Variants in RIT2 observed in about 807,000 individuals in gnomAD.
The protein encoded by RIT2 is Ras like without CAAX 2.
Under a neutral mutation model 23.7 loss-of-function variants are expected in RIT2, and 24 were observed. The observed-to-expected ratio is 1.01, with a 90% CI of 0.73 to 1.43. The LOEUF (loss-of-function observed/expected upper bound fraction) is 1.43, where lower values mean the gene tolerates loss of function less well. RIT2 is among the 40% of genes most tolerant of loss of function. RIT2 has a pLI of 0.00. For synonymous variants in RIT2, 107 were observed against 91.1 expected (o/e 1.17, Z -0.99); for missense variants, 236 against 266.9 (o/e 0.88, Z 0.81).
chr18:43,039,019 AC>A (rs1912060634), intron 1 of RIT2, among the ~76,000 whole-genome samples: 1 of 151,878 alleles, frequency 6.6e-6, no homozygotes, highest in Admixed American at 6.6e-5. Flanking sequence ...TTACCTTCCT[AC>A]CTTTTCCTTC....
intron 4 of RIT2, among the ~76,000 whole-genome samples, chr18:42,810,506 C>T (rs1478617948): frequency 6.6e-6 from 1 of 151,744 alleles, no homozygotes; most frequent in Admixed American, 6.6e-5. Flanking sequence ...ACGTAATCAG[C>T]ACCATAAAAA....
intron 2 of RIT2, among the ~76,000 whole-genome samples, chr18:42,997,857 G>A (rs1337650439): frequency 6.6e-6 from 1 of 152,152 alleles, no homozygotes; most frequent in Non-Finnish European, 1.5e-5. Flanking sequence ...AGGAGTAGGT[G>A]TCAACATCTG....
Position 42,974,133 on chromosome 18 carries a change from T to C in RIT2, c.175A>G (p.Thr59Ala). ...HDPTIEDAYK[T>A]QVRIDNEPAY... is the part of the protein sequence containing the mutation. ...GGCTCATTGTCAATCCTGACCTGGG[T>C]CTTATAAGCATCTTCTGAAAAACAC... The change falls in exon 3 of 5, where the codon ACC becomes GCC. Residue 59 changes from threonine (T) to alanine (A), a missense_variant. Transcript: ENST00000326695. The C allele has an allele frequency of 6.2e-7, 1 of 1,610,750 alleles. No individual in the cohort carries two copies. The highest frequency in any genetic ancestry group is 8.5e-7 in the Non-Finnish European group (1 of 1,177,766).
At chr18:42,987,677 G>A (rs532239936) in intron 2 of RIT2, among the ~76,000 whole-genome samples, 10 of 152,176 alleles carry the variant, frequency 6.6e-5, no homozygotes, top group East Asian at 3.9e-4. Context: ...TATTTGTGTC[G>A]CTATAAAATA....
chr18:42,886,640 G>T (rs1908029731), intron 4 of RIT2, among the ~76,000 whole-genome samples: 1 of 152,186 alleles, frequency 6.6e-6, no homozygotes, highest in Non-Finnish European at 1.5e-5. Flanking sequence ...TATGGTATGT[G>T]AGAGGATTGG....
intron 2 of RIT2, among the ~76,000 whole-genome samples, chr18:42,995,593 A>G (rs1910962308): frequency 6.6e-6 from 1 of 151,596 alleles, no homozygotes; most frequent in African/African-American, 2.4e-5. Flanking sequence ...TATCCCTTAC[A>G]GTCCTCAGTC....
At chr18:42,767,052 T>C (rs931704346) in intron 4 of RIT2, among the ~76,000 whole-genome samples, 1 of 152,224 alleles carries the variant, frequency 6.6e-6, no homozygotes, top group Non-Finnish European at 1.5e-5. Flanking sequence ...GAACCTCTGC[T>C]AGGGTAGTGC....
Position 43,057,798 on chromosome 18 carries a change from C to CTTTTTTTTTTTTTTTTTTT in RIT2, c.104-23932_104-23931insAAAAAAAAAAAAAAAAAAA, listed in dbSNP as rs11393575. On this transcript the variant is annotated intron_variant, in intron 1 of 4. Coordinates refer to ENST00000326695, the MANE Select transcript of RIT2 (RefSeq NM_002930.4). ...GAGCTAATCTTCCAAGTGATGGACACTTTTTTTTTTTTTTTTTATCATCTA... is the reference window on the plus strand; with the variant it reads ...GAGCTAATCTTCCAAGTGATGGACACTTTTTTTTTTTTTTTTTTTTTTTTTTTTTTTTTTTTATCATCTA... Among the ~76,000 whole-genome samples the CTTTTTTTTTTTTTTTTTTT allele has an allele frequency of 1.9e-3, 227 of 122,590 alleles. 10 individuals carry two copies. The highest frequency in any genetic ancestry group is 2.7e-3 in the Admixed American group (32 of 11,904). 80.4% of individuals were successfully genotyped at this position (122,590 alleles called of 152,430 possible).
At chr18:42,910,495 G>A (rs967566975) in intron 4 of RIT2, among the ~76,000 whole-genome samples, 1 of 152,034 alleles carries the variant, frequency 6.6e-6, no homozygotes, top group Admixed American at 6.6e-5. Flanking sequence ...CTGCCCAAAT[G>A]TTGCATTTTG....
rs117805881 is a variant in RIT2, at chr18:42,782,305, T to C, written c.427-38585A>G. Among the ~76,000 whole-genome samples the C allele has an allele frequency of 7.3e-3, 1,109 of 152,288 alleles. 7 individuals are homozygous for C. The highest frequency in any genetic ancestry group is 0.041 in the Middle Eastern group (12 of 294). On this transcript the variant is annotated intron_variant, in intron 4 of 4. Transcript: ENST00000326695. ...TATTTATTGAATAACTACTATGCTC[T>C]TATTCCTTAGTGTTATATAATATGT...
rs1338746593 is a variant in RIT2, at chr18:43,033,857, C to T, written c.114G>A (p.Met38Ile). Residue 38 changes from methionine (M) to isoleucine (I), a missense_variant, in exon 2 of 5, where the codon ATG becomes ATA. Coordinates refer to ENST00000326695, the MANE Select transcript of RIT2 (RefSeq NM_002930.4). ...CAGGGAACTGATGACTAATAAACTG[C>T]ATTGTCATTGCTGAAAGAAAAAAAA... ...AGGVGKSAMT[M>I]QFISHQFPDY... 2 of 1,604,696 alleles carry T rather than the reference C, an allele frequency of 1.2e-6. No homozygotes were observed. Among genetic ancestry groups the T allele is most frequent in the Admixed American group, 1.7e-5 (1 of 59,452 alleles).
intron 4 of RIT2, among the ~76,000 whole-genome samples, chr18:42,905,056 A>G (rs1908574670): frequency 2.6e-5 from 4 of 152,306 alleles, no homozygotes; most frequent in Middle Eastern, 3.4e-3. Flanking sequence ...TAAAATCTGC[A>G]TGCCTTCACA....
intron 3 of RIT2, among the ~76,000 whole-genome samples, chr18:42,935,273 C>T (rs525291): frequency 0.2 from 30,471 of 152,074 alleles, 4,086 homozygotes; most frequent in African/African-American, 0.35. Flanking sequence ...GCTGAGATGA[C>T]TCCGAATTGC....
chr18:42,796,967 T>C (rs1006718758), intron 4 of RIT2, among the ~76,000 whole-genome samples: 3 of 152,330 alleles, frequency 2.0e-5, no homozygotes, highest in Admixed American at 6.5e-5. Context: ...AAATCCCTTT[T>C]TTCCTGAATT....
intron 1 of RIT2, among the ~76,000 whole-genome samples, chr18:43,091,246 T>G (rs2144360553): frequency 6.6e-6 from 1 of 152,134 alleles, no homozygotes; most frequent in Middle Eastern, 3.4e-3. Flanking sequence ...GTGCTGTTAT[T>G]TAAGACAAAG....
chr18:42,909,811 G>A (rs555152876), intron 4 of RIT2, among the ~76,000 whole-genome samples: 1 of 151,988 alleles, frequency 6.6e-6, no homozygotes, highest in South Asian at 2.1e-4. Context: ...AAAAGATGAT[G>A]ACTGGGATCT....
chr18:42,831,792 C>G (rs564445364), intron 4 of RIT2, among the ~76,000 whole-genome samples: 4 of 152,270 alleles, frequency 2.6e-5, no homozygotes, highest in Admixed American at 2.6e-4. Flanking sequence ...GTCTCTCCCC[C>G]ACTCCCTAGT....
At chr18:42,793,221 A>G (rs923007219) in intron 4 of RIT2, among the ~76,000 whole-genome samples, 22 of 152,194 alleles carry the variant, frequency 1.4e-4, no homozygotes, top group Non-Finnish European at 2.6e-4. Context: ...GTAAAATAAA[A>G]TTTCATCTTT....
chr18:43,086,485 A>G, intron 1 of RIT2, among the ~76,000 whole-genome samples: 1 of 152,172 alleles, frequency 6.6e-6, no homozygotes, highest in East Asian at 1.9e-4. Flanking sequence ...GCTGTTGGAG[A>G]ATTTACATGT....
Sources: gnomAD v4.1 joint callset for allele counts (sites outside exome capture counted in the v4.1 genomes callset) on GRCh38, gnomAD v4.1.1 for gene constraint, MANE v1.5 for transcripts, NCBI Gene and HGNC (gene_info 2026-07-23, HGNC 2026-07-21) for gene names.